ARFGAP3: variants seen among roughly 807,000 people sequenced by gnomAD.
The protein encoded by ARFGAP3 is ADP-ribosylation factor GTPase-activating protein 3.
ARFGAP3 carries 72 observed loss-of-function variants against 75.0 expected under a neutral mutation model. The ratio of observed to expected loss-of-function variants is 0.96; its 90% CI spans 0.79 to 1.17. The LOEUF (loss-of-function observed/expected upper bound fraction) is 1.17. ARFGAP3 is among the 50% of genes most tolerant of loss of function. The pLI is 0.00. For synonymous variants in ARFGAP3, 221 were observed against 217.9 expected (o/e 1.01, Z -0.13); for missense variants, 620 against 626.6 (o/e 0.99, Z 0.11).
rs112038045 is a variant in ARFGAP3, at chr22:42,813,295, C to T, written c.1065-2351G>A. Among the ~76,000 whole-genome samples, 66 of 152,166 alleles carry T rather than the reference C, an allele frequency of 4.3e-4. 2 individuals carry two copies. The highest frequency in any genetic ancestry group is 1.1e-3 in the African/African-American group (44 of 41,514). ...CATTAATGAAAGGCAGAGTTTCTCA[C>T]GGAGCTGACCTGGGACCAAATGGCT... On this transcript the variant is annotated intron_variant, in intron 11 of 15. Coordinates refer to ENST00000263245, the MANE Select transcript of ARFGAP3 (RefSeq NM_014570.5).
intron 6 of ARFGAP3, among the ~76,000 whole-genome samples, chr22:42,828,796 T>G (rs1308513785): frequency 1.4e-5 from 2 of 147,686 alleles, no homozygotes; most frequent in East Asian, 4.3e-4. Flanking sequence ...GGGATTCTCC[T>G]GCCTCAGCCT....
At position 42,797,198 on chromosome 22, in the gene ARFGAP3, C is replaced by T. The variant is rs547797636; in HGVS notation, c.*390G>A. The stretch of plus-strand genomic sequence containing the variant: ...TGTTTCTGCAGGCCCATCCAGCATC[C>T]GCTGATTCTGGCAGCCCTGAGCCCA... On this transcript the variant is annotated 3_prime_UTR_variant, in exon 16 of 16. Transcript: ENST00000263245. 7.7e-5 allele frequency: 15 copies of T among 193,852 alleles called. No individual in the cohort carries two copies. Among genetic ancestry groups the T allele is most frequent in the Admixed American group, 6.3e-4 (11 of 17,330 alleles). 12.0% of individuals were successfully genotyped at this position (193,852 alleles called of 1,614,324 possible). A position where few individuals can be genotyped will look rare whatever the true frequency, so the allele number is the denominator to read the frequency against.
chr22:42,797,651 T>A, intron 15 of ARFGAP3, 46 bp from the exon 16 acceptor site: 1 of 1,613,884 alleles, frequency 6.2e-7, no homozygotes, highest in South Asian at 1.1e-5. Flanking sequence ...TCAGCAGCGA[T>A]CCCTGACTCC....
chr22:42,805,446 C>CT (rs1432005102), intron 14 of ARFGAP3, among the ~76,000 whole-genome samples: 20 of 152,192 alleles, frequency 1.3e-4, no homozygotes, highest in Admixed American at 9.8e-4. Flanking sequence ...GCCAGGGCCC[C>CT]TACAAGGCGA....
At chr22:42,835,764 A>C (rs1032354159) in intron 3 of ARFGAP3, among the ~76,000 whole-genome samples, 4 of 152,086 alleles carry the variant, frequency 2.6e-5, no homozygotes, top group Non-Finnish European at 4.4e-5. Flanking sequence ...GCTTGCAGTG[A>C]GCTGAGATCG....
At position 42,813,375 on chromosome 22, in the gene ARFGAP3, A is replaced by AG. The variant is rs570025939; in HGVS notation, c.1065-2432dup. Among the ~76,000 whole-genome samples the AG allele has an allele frequency of 2.6e-5, 4 of 152,198 alleles. No individual in the cohort carries two copies. In the South Asian group the frequency reaches 8.3e-4, roughly 32 times the overall value. On this transcript the variant is annotated intron_variant, in intron 11 of 15. Coordinates refer to ENST00000263245, the MANE Select transcript of ARFGAP3 (RefSeq NM_014570.5). ...GGCTGGACTGCCCTGGAGTGGGAAG[A>AG]GGGGGGTCAGCACTGGACTGGTGCA...
intron 6 of ARFGAP3, among the ~76,000 whole-genome samples, chr22:42,828,278 G>A (rs982183796): frequency 7.3e-5 from 11 of 151,700 alleles, no homozygotes; most frequent in South Asian, 2.1e-4. Context: ...AAAGATGAGG[G>A]CCAGGCGCGG....
At position 42,806,388 on chromosome 22, in the gene ARFGAP3, C is replaced by T. The variant is rs79330352; in HGVS notation, c.1411+685G>A. Among the ~76,000 whole-genome samples the T allele has an allele frequency of 6.0e-3, 915 of 152,304 alleles. 10 individuals are homozygous for T. The highest frequency in any genetic ancestry group is 0.021 in the African/African-American group (869 of 41,576). Reference sequence around the variant, plus strand: ...GAGGCCCACCACTGGGCTCACAGGCCGCCCCATCCTAGGCCATCCCAGCCC... The same window carrying T: ...GAGGCCCACCACTGGGCTCACAGGCTGCCCCATCCTAGGCCATCCCAGCCC... On this transcript the variant is annotated intron_variant, in intron 14 of 15. Transcript: ENST00000263245.
chr22:42,822,003 T>A (rs1925831461), intron 9 of ARFGAP3, among the ~76,000 whole-genome samples: 1 of 152,220 alleles, frequency 6.6e-6, no homozygotes, highest in Non-Finnish European at 1.5e-5. Context: ...ATGTTTCATG[T>A]GTAAACACCT....
At chr22:42,824,750 C>T (rs1429734522) in intron 7 of ARFGAP3, among the ~76,000 whole-genome samples, 2 of 152,036 alleles carry the variant, frequency 1.3e-5, no homozygotes, top group Non-Finnish European at 2.9e-5. Context: ...GGGTATATTG[C>T]GTGGTGCTGA....
chr22:42,797,426 CAG>C lies in ARFGAP3; in HGVS notation c.*160_*161del. Reference sequence around the variant, plus strand: ...ACAGGAAAGCTCCTACATCAGAACTCAGAATTTCTCAAAAGAAATATTAAAAA... The same window carrying C: ...ACAGGAAAGCTCCTACATCAGAACTCAATTTCTCAAAAGAAATATTAAAAA... On this transcript the variant is annotated 3_prime_UTR_variant, in exon 16 of 16. Coordinates refer to ENST00000263245, the MANE Select transcript of ARFGAP3 (RefSeq NM_014570.5). The C allele has an allele frequency of 1.1e-6, 1 of 895,288 alleles. No homozygotes were observed. 55.5% of individuals were successfully genotyped at this position (895,288 alleles called of 1,614,324 possible).
Position 42,823,721 on chromosome 22 carries a change from T to A in ARFGAP3, c.626-19A>T. 6.5e-7 allele frequency: 1 copy of A among 1,532,390 alleles called. No individual in the cohort carries two copies. Among genetic ancestry groups the A allele is most frequent in the Non-Finnish European group, 8.8e-7 (1 of 1,134,378 alleles). 94.9% of individuals were successfully genotyped at this position (1,532,390 alleles called of 1,614,324 possible). ...GATACCTCTGCCAAAAAATAAAAAT[T>A]AAAAAGTAAGACCAATAGAAATAAT... is the stretch of plus-strand genomic sequence containing the variant. On this transcript the variant is annotated intron_variant, in intron 7 of 15. Coordinates refer to ENST00000263245, the MANE Select transcript of ARFGAP3 (RefSeq NM_014570.5).
intron 6 of ARFGAP3, among the ~76,000 whole-genome samples, chr22:42,827,307 T>C (rs1262198907): frequency 6.6e-6 from 1 of 152,248 alleles, no homozygotes; most frequent in Non-Finnish European, 1.5e-5. Flanking sequence ...AGATACTTAC[T>C]ACCTCTGTGG....
At chr22:42,847,213 G>A (rs1010004298) in intron 2 of ARFGAP3, 1 of 241,486 alleles carries the variant, frequency 4.1e-6, no homozygotes, top group Non-Finnish European at 8.0e-6. Context: ...TGTCGCCCAG[G>A]CTGGAATGCA....
chr22:42,812,308 T>C (rs901262599), intron 11 of ARFGAP3, among the ~76,000 whole-genome samples: 2 of 148,604 alleles, frequency 1.3e-5, no homozygotes, highest in Non-Finnish European at 3.0e-5. Context: ...TGGCCAGATA[T>C]ACACACCTCA....
intron 3 of ARFGAP3, among the ~76,000 whole-genome samples, chr22:42,838,273 C>CATATATAT (rs1926618492): frequency 1.8e-5 from 2 of 108,508 alleles, no homozygotes; most frequent in African/African-American, 3.4e-5. Flanking sequence ...TATACACACA[C>CATATATAT]ACATATATAT....
At chr22:42,823,603 T>A in intron 8 of ARFGAP3, 53 bp downstream of exon 8, 1 of 1,323,328 alleles carries the variant, frequency 7.6e-7, no homozygotes, top group Non-Finnish European at 1.0e-6. Context: ...AGCGGCTTTT[T>A]AGTTTTAAAG....
chr22:42,810,753 CAATTTTTT>C, intron 12 of ARFGAP3, 52 bp downstream of exon 12: 1 of 1,470,396 alleles, frequency 6.8e-7, no homozygotes, highest in Non-Finnish European at 9.4e-7. Flanking sequence ...ATGTTATCAG[CAATTTTTT>C]CCCAGAAATG....
intron 6 of ARFGAP3, 35 bp downstream of exon 6, chr22:42,831,514 A>C: frequency 6.3e-7 from 1 of 1,596,300 alleles, no homozygotes; most frequent in South Asian, 1.1e-5. Context: ...ACTGAACCAT[A>C]GAATAGTATT....
Sources: gnomAD v4.1 joint callset for allele counts (sites outside exome capture counted in the v4.1 genomes callset) on GRCh38, gnomAD v4.1.1 for gene constraint, MANE v1.5 for transcripts, NCBI Gene and HGNC (gene_info 2026-07-23, HGNC 2026-07-21) for gene names.